INPP5A: variants seen among roughly 807,000 people sequenced by gnomAD.
INPP5A encodes 43 kDa inositol polyphosphate 5-phophatase.
In INPP5A, 14 loss-of-function variants were observed where a neutral mutation model predicts 65.2. The observed-to-expected ratio is 0.21, with a 90% CI of 0.14 to 0.34. The LOEUF is 0.34. INPP5A is among the 10% of genes least tolerant of loss of function. The probability of loss-of-function intolerance (pLI) is 1.00; values close to 1 mark genes in which losing one functional copy is unlikely to be tolerated. For missense variants in INPP5A, 431 were observed against 545.6 expected, an observed-to-expected ratio of 0.79 and a Z score of 2.09; for synonymous variants, 207 against 208.3, an observed-to-expected ratio of 0.99 and a Z score of 0.05.
At chr10:132,613,091 C>A (rs1389226759) in intron 2 of INPP5A, among the ~76,000 whole-genome samples, 1 of 152,166 alleles carries the variant, frequency 6.6e-6, no homozygotes, top group Non-Finnish European at 1.5e-5. Flanking sequence ...CGTACATGTC[C>A]CATTTCTTTC....
intron 1 of INPP5A, among the ~76,000 whole-genome samples, chr10:132,561,581 G>C (rs2071206321): frequency 6.6e-6 from 1 of 152,164 alleles, no homozygotes; most frequent in African/African-American, 2.4e-5. Context: ...CAGTACCACA[G>C]ACCTGATCAT....
chr10:132,726,243 C>G (rs1345485985), intron 8 of INPP5A, among the ~76,000 whole-genome samples: 1 of 152,232 alleles, frequency 6.6e-6, no homozygotes, highest in African/African-American at 2.4e-5. Flanking sequence ...CACTTTGAAA[C>G]GTCCGAGTGG....
At chr10:132,597,921 G>T (rs968531924) in intron 1 of INPP5A, among the ~76,000 whole-genome samples, 2 of 152,092 alleles carry the variant, frequency 1.3e-5, no homozygotes, top group African/African-American at 4.8e-5. Context: ...GGCCTGTGGT[G>T]CGTCCTGCGG....
chr10:132,567,638 C>T (rs1406264417), intron 1 of INPP5A, among the ~76,000 whole-genome samples: 8 of 152,170 alleles, frequency 5.3e-5, no homozygotes, highest in African/African-American at 9.7e-5. Context: ...CTCCCTTTTC[C>T]GCTCCATGTA....
At chr10:132,724,566 C>T (rs1366487843) in intron 8 of INPP5A, among the ~76,000 whole-genome samples, 1 of 151,532 alleles carries the variant, frequency 6.6e-6, no homozygotes, top group Non-Finnish European at 1.5e-5. Context: ...ACGGGGGTTA[C>T]TCAATCTCCA....
intron 2 of INPP5A, 56 bp from the exon 3 acceptor site, chr10:132,645,812 C>G: frequency 2.9e-6 from 4 of 1,374,502 alleles, no homozygotes; most frequent in Non-Finnish European, 4.1e-6. Flanking sequence ...GGTGGTGCCA[C>G]GTGTGGCTCT....
At chr10:132,541,322 G>A (rs1018665049) in intron 1 of INPP5A, among the ~76,000 whole-genome samples, 1 of 152,100 alleles carries the variant, frequency 6.6e-6, no homozygotes, top group Non-Finnish European at 1.5e-5. Context: ...CACTTCAGCT[G>A]TGGTTTGTAG....
At chr10:132,625,785 T>G (rs944824776) in intron 2 of INPP5A, among the ~76,000 whole-genome samples, 1 of 151,952 alleles carries the variant, frequency 6.6e-6, no homozygotes, top group African/African-American at 2.4e-5. Flanking sequence ...CCATCCTGCC[T>G]GGCCCAACTT....
intron 1 of INPP5A, among the ~76,000 whole-genome samples, chr10:132,552,887 T>G: frequency 7.8e-6 from 1 of 128,178 alleles, no homozygotes; most frequent in Non-Finnish European, 1.6e-5. Context: ...AGAGCCTTGG[T>G]GGCATATTGG....
chr10:132,679,352 G>A (rs953568299), intron 4 of INPP5A, among the ~76,000 whole-genome samples: 7 of 152,252 alleles, frequency 4.6e-5, no homozygotes, highest in Non-Finnish European at 8.8e-5. Context: ...CTGAAAGGTC[G>A]GACTTGTCAC....
At chr10:132,776,074 G>A (rs1002535844) in intron 12 of INPP5A, among the ~76,000 whole-genome samples, 9 of 152,142 alleles carry the variant, frequency 5.9e-5, no homozygotes, top group African/African-American at 1.7e-4. Context: ...ACTCGTGTCC[G>A]CGGTTGGGAT....
chr10:132,626,299 C>G (rs139202864), intron 2 of INPP5A, among the ~76,000 whole-genome samples: 2 of 152,238 alleles, frequency 1.3e-5, no homozygotes, highest in African/African-American at 4.8e-5. Context: ...ACAAAGCTGC[C>G]GTGCATGTGG....
intron 1 of INPP5A, among the ~76,000 whole-genome samples, chr10:132,594,922 A>G (rs1217448362): frequency 6.6e-6 from 1 of 152,240 alleles, no homozygotes; most frequent in African/African-American, 2.4e-5. Flanking sequence ...CATTCTGGCC[A>G]AAGTGGCTTT....
chr10:132,594,670 G>T (rs2071661749), intron 1 of INPP5A, among the ~76,000 whole-genome samples: 1 of 152,114 alleles, frequency 6.6e-6, no homozygotes, highest in South Asian at 2.1e-4. Context: ...GTGCATATGT[G>T]TGGCGTGGTG....
Position 132,546,973 on chromosome 10 carries a change from T to C in INPP5A, c.75+8802T>C, listed in dbSNP as rs1228616575. Among the ~76,000 whole-genome samples, 1 of 152,144 alleles carries C rather than the reference T, an allele frequency of 6.6e-6. No homozygotes were observed. The highest frequency in any genetic ancestry group is 2.4e-5 in the African/African-American group (1 of 41,448). On this transcript the variant is annotated intron_variant, in intron 1 of 15. Coordinates refer to ENST00000368594, the MANE Select transcript of INPP5A (RefSeq NM_005539.5). The surrounding 1 kb of genome is among the most constrained non-coding windows in gnomAD (Gnocchi z 5.7). The stretch of plus-strand genomic sequence containing the variant: ...TGTCATCTGCCGCAGACAGCCTTCC[T>C]TTCTGCGTCCTCCCCTCTCGGGGTC...
chr10:132,647,986 T>C (rs2072521521), intron 3 of INPP5A, among the ~76,000 whole-genome samples: 1 of 152,256 alleles, frequency 6.6e-6, no homozygotes, highest in Non-Finnish European at 1.5e-5. Flanking sequence ...ATGTTTGAAC[T>C]AAGCATTTGC....
At chr10:132,590,659 C>G (rs554346910) in intron 1 of INPP5A, among the ~76,000 whole-genome samples, 1 of 152,348 alleles carries the variant, frequency 6.6e-6, no homozygotes, top group East Asian at 1.9e-4. Flanking sequence ...TCCAGACAGC[C>G]TCGGTAGCGT....
chr10:132,747,196 T>A (rs2134631662), intron 9 of INPP5A, among the ~76,000 whole-genome samples: 1 of 152,322 alleles, frequency 6.6e-6, no homozygotes, highest in Admixed American at 6.5e-5. Flanking sequence ...CCCATTAGCA[T>A]CTGGATGGGG....
At chr10:132,657,678 T>G (rs2072676140) in intron 4 of INPP5A, among the ~76,000 whole-genome samples, 1 of 152,248 alleles carries the variant, frequency 6.6e-6, no homozygotes, top group Non-Finnish European at 1.5e-5. Context: ...CTCGTTCTCC[T>G]AAATAAGACT....
Sources: allele counts gnomAD v4.1 joint callset (sites outside exome capture counted in the v4.1 genomes callset), GRCh38; gene constraint gnomAD v4.1.1; non-coding constraint Gnocchi (gnomAD v3.1); transcripts MANE v1.5; gene names NCBI Gene and HGNC (gene_info 2026-07-23, HGNC 2026-07-21).